DENND2A: variants seen among roughly 807,000 people sequenced by gnomAD.
DENND2A encodes the protein DENN domain-containing protein 2A.
In DENND2A, 53 loss-of-function variants were observed where a neutral mutation model predicts 105.3. The ratio of observed to expected loss-of-function variants is 0.50; its 90% CI spans 0.40 to 0.63. The LOEUF is 0.63. DENND2A is among the 30% of genes least tolerant of loss of function. The probability of loss-of-function intolerance (pLI) is 0.00; values close to 1 mark genes in which losing one functional copy is unlikely to be tolerated. For synonymous variants in DENND2A, 522 were observed against 508.4 expected, an observed-to-expected ratio of 1.03 and a Z score of -0.36; for missense variants, 1,138 against 1,279.6, an observed-to-expected ratio of 0.89 and a Z score of 1.69.
intron 1 of DENND2A, among the ~76,000 whole-genome samples, chr7:140,616,076 G>A (rs1180978828): frequency 6.6e-6 from 1 of 152,064 alleles, no homozygotes; most frequent in African/African-American, 2.4e-5. Context: ...TTCAGAATAG[G>A]CCAATCCTGG....
At chr7:140,576,520 G>A (rs572224472) in intron 5 of DENND2A, among the ~76,000 whole-genome samples, 10 of 152,116 alleles carry the variant, frequency 6.6e-5, no homozygotes, top group African/African-American at 2.2e-4. Context: ...ATCAACTTAT[G>A]AGGCCACATT....
chr7:140,624,686 C>T (rs198863), intron 1 of DENND2A, among the ~76,000 whole-genome samples: 1 of 151,912 alleles, frequency 6.6e-6, no homozygotes, highest in African/African-American at 2.4e-5. Context: ...GTTCCATGTT[C>T]TTGAAGGCAT....
chr7:140,628,232 G>A (rs1385200246), intron 1 of DENND2A, among the ~76,000 whole-genome samples: 1 of 152,236 alleles, frequency 6.6e-6, no homozygotes, highest in African/African-American at 2.4e-5. Flanking sequence ...GTTATAATCT[G>A]TAAAAGCTGG....
At chr7:140,585,828 T>C in intron 4 of DENND2A, 118 bp from the exon 5 acceptor site, 1 of 1,454,642 alleles carries the variant, frequency 6.9e-7, no homozygotes, top group Non-Finnish European at 9.4e-7. Flanking sequence ...ATATCTGCTG[T>C]TTTGCCATCC....
chr7:140,602,270 G>T lies in DENND2A; in HGVS notation c.128C>A (p.Ser43Tyr). The part of the protein sequence containing the change: ...PSARARPRHK[S>Y]LNIKDKISEW... ...TGATATCTTGTCCTTTATGTTGAGGGACTTGTGCCGGGGTCTGGCTCTGGC... is the reference window on the plus strand; with the variant it reads ...TGATATCTTGTCCTTTATGTTGAGGTACTTGTGCCGGGGTCTGGCTCTGGC... Residue 43 changes from serine to tyrosine, a missense_variant, in exon 3 of 20, where the codon TCC becomes TAC. Around this residue, in one of 2 missense-constraint regions of DENND2A, gnomAD observed 511 missense variants for 499.9 expected, o/e 1.02. Transcript: ENST00000496613. The T allele has an allele frequency of 6.2e-7, 1 of 1,612,422 alleles. No homozygotes were observed.
chr7:140,565,423 C>T (rs948810524), intron 9 of DENND2A, among the ~76,000 whole-genome samples: 1 of 151,840 alleles, frequency 6.6e-6, no homozygotes, highest in East Asian at 1.9e-4. Context: ...CACTGTAATC[C>T]CCTAGGGCCA....
At chr7:140,611,492 T>TGCATCAAG (rs1369381823) in intron 1 of DENND2A, among the ~76,000 whole-genome samples, 1 of 152,118 alleles carries the variant, frequency 6.6e-6, no homozygotes, top group Non-Finnish European at 1.5e-5. Flanking sequence ...GAGCCTTGAT[T>TGCATCAAG]GCATCACTGC....
chr7:140,616,450 G>A (rs1056428456), intron 1 of DENND2A, among the ~76,000 whole-genome samples: 24 of 152,106 alleles, frequency 1.6e-4, no homozygotes, highest in African/African-American at 5.8e-4. Flanking sequence ...GAAGTAAGAA[G>A]TGACTGCTAA....
intron 12 of DENND2A, among the ~76,000 whole-genome samples, chr7:140,551,048 C>G (rs1273340940): frequency 6.6e-6 from 1 of 151,456 alleles, no homozygotes; most frequent in Non-Finnish European, 1.5e-5. Context: ...TGCCTGTAAT[C>G]CCAGCACTTT....
At position 140,602,254 on chromosome 7, in the gene DENND2A, GTCCTT is replaced by G; in HGVS notation, c.139_143del (p.Lys47GlnfsTer37). 6.2e-7 allele frequency: 1 copy of G among 1,613,586 alleles called. No homozygotes were observed. ...TCTTCCCTTCCCATTCTGATATCTT[GTCCTT>G]TATGTTGAGGGACTTGTGCCGGGGT... is the stretch of plus-strand genomic sequence containing the variant. On this transcript the variant is annotated frameshift_variant, in exon 3 of 20. Coordinates refer to ENST00000496613, the MANE Select transcript of DENND2A (RefSeq NM_015689.5). LOFTEE classifies it high-confidence loss of function.
intron 9 of DENND2A, among the ~76,000 whole-genome samples, 156 bp downstream of exon 9, chr7:140,566,930 A>AT (rs1055212548): frequency 7.3e-5 from 11 of 150,064 alleles, no homozygotes; most frequent in Non-Finnish European, 1.5e-4. Flanking sequence ...TAGCAGCAGC[A>AT]TTTTTTTTTC....
intron 3 of DENND2A, among the ~76,000 whole-genome samples, chr7:140,599,355 A>G (rs1585727644): frequency 6.6e-6 from 1 of 152,092 alleles, no homozygotes; most frequent in Non-Finnish European, 1.5e-5. Flanking sequence ...ATAATAATAC[A>G]TTATGAAGTT....
intron 4 of DENND2A, 27 bp downstream of exon 4, chr7:140,587,626 C>T: frequency 1.9e-6 from 3 of 1,612,542 alleles, no homozygotes; most frequent in Non-Finnish European, 2.5e-6. Context: ...AGACTCAGAT[C>T]CGCACACAGA....
rs897621525 is a variant in DENND2A at position 140,521,891 on chromosome 7, T to A, written c.2875A>T (p.Ile959Phe). ...FMETQMFRGF[I>F]QERELRRQDA... ...TGCCGGCGCAGCTCCCGCTCCTGGA[T>A]GAAGCCCCGAAACATCTGAGTCTCC... Residue 959 changes from isoleucine (I) to phenylalanine (F), a missense_variant, in exon 18 of 20, where the codon ATC (isoleucine) becomes TTC (phenylalanine). Physicochemically the swap from Ile to Phe is conservative, Grantham distance 21. Transcript: ENST00000496613. The A allele has an allele frequency of 1.9e-6, 3 of 1,614,122 alleles. No individual in the cohort carries two copies. The highest frequency in any genetic ancestry group is 1.7e-6 in the Non-Finnish European group (2 of 1,180,040).
At chr7:140,540,999 T>C (rs2130510092) in intron 14 of DENND2A, among the ~76,000 whole-genome samples, 1 of 152,300 alleles carries the variant, frequency 6.6e-6, no homozygotes, top group African/African-American at 2.4e-5. Flanking sequence ...ATTACAGGCG[T>C]GAGCCACTGA....
chr7:140,573,923 T>G lies in DENND2A; in HGVS notation c.1331A>C (p.Asp444Ala), dbSNP rs749104629. ...KLLDTRKLSRDGTGSPSKISP... is the reference protein window; with the variant it reads ...KLLDTRKLSRAGTGSPSKISP... ...GATTTTGGAAGGGGACCCAGTTCCA[T>G]CCCGACTCAGCTTCCTAGTGTCCAG... Residue 444 changes from aspartate to alanine, a missense_variant, in exon 6 of 20, where the codon GAT becomes GCT. Coordinates refer to ENST00000496613, the MANE Select transcript of DENND2A (RefSeq NM_015689.5). 1 of 1,614,132 alleles carries G rather than the reference T, an allele frequency of 6.2e-7. No individual in the cohort carries two copies. Among genetic ancestry groups the G allele is most frequent in the South Asian group, 1.1e-5 (1 of 91,078 alleles).
intron 15 of DENND2A, 147 bp from the exon 16 acceptor site, chr7:140,525,939 G>T: frequency 1.8e-6 from 1 of 563,096 alleles, no homozygotes. Flanking sequence ...ACATTGCCAC[G>T]GTAGCCACAG....
chr7:140,562,657 G>A (rs1335997172), intron 9 of DENND2A, among the ~76,000 whole-genome samples: 4 of 115,876 alleles, frequency 3.5e-5, no homozygotes, highest in East Asian at 4.1e-4. Context: ...GGGAGGCTCC[G>A]TCTCAAAACA....
At chr7:140,599,198 C>T (rs1332840937) in intron 3 of DENND2A, among the ~76,000 whole-genome samples, 4 of 151,826 alleles carry the variant, frequency 2.6e-5, no homozygotes, top group African/African-American at 7.3e-5. Context: ...ATTAGCCAGG[C>T]GTGGTGGCGT....
Sources: gnomAD v4.1 joint callset for allele counts (sites outside exome capture counted in the v4.1 genomes callset) on GRCh38, gnomAD v4.1.1 for gene constraint, gnomAD v4.1.1 regional missense constraint, MANE v1.5 for transcripts, NCBI Gene and HGNC (gene_info 2026-07-23, HGNC 2026-07-21) for gene names.